The following COL26A1 variants were observed in gnomAD, a reference collection of about 807,000 sequenced individuals.
COL26A1 encodes the protein collagen type XXVI alpha 1 chain.
A neutral mutation model predicts 59.3 loss-of-function variants in COL26A1; 41 were observed. The ratio of observed to expected loss-of-function variants is 0.69; its 90% CI spans 0.54 to 0.90. The LOEUF is 0.90. COL26A1 is among the 40% of genes least tolerant of loss of function. COL26A1 has a pLI of 0.00. For synonymous variants in COL26A1, 266 were observed against 256.0 expected, an observed-to-expected ratio of 1.04 and a Z score of -0.37; for missense variants, 612 against 602.3, an observed-to-expected ratio of 1.02 and a Z score of -0.17.
chr7:101,454,741 A>C (rs778136318), intron 3 of COL26A1, among the ~76,000 whole-genome samples: 3 of 152,172 alleles, frequency 2.0e-5, no homozygotes, highest in African/African-American at 7.2e-5. Flanking sequence ...AGCCTCGTTC[A>C]GGCATGAGTT....
At chr7:101,533,268 G>T in intron 4 of COL26A1, 125 bp downstream of exon 4, 1 of 729,354 alleles carries the variant, frequency 1.4e-6, no homozygotes, top group South Asian at 1.7e-5. Flanking sequence ...AAGCAGGCTT[G>T]GACAGCCGGT....
intron 1 of COL26A1, among the ~76,000 whole-genome samples, chr7:101,371,106 A>G (rs559049152): frequency 6.6e-6 from 1 of 152,306 alleles, no homozygotes; most frequent in Non-Finnish European, 1.5e-5. Flanking sequence ...GCCTCTTGGA[A>G]ATGTGAGCCG....
intron 3 of COL26A1, among the ~76,000 whole-genome samples, chr7:101,502,347 A>G (rs1338156367): frequency 6.6e-6 from 1 of 152,136 alleles, no homozygotes; most frequent in Admixed American, 6.5e-5. Flanking sequence ...GTCTCAAACA[A>G]CAACAACAAC....
At chr7:101,362,462 TC>T (rs1790912449), upstream of COL26A1, among the ~76,000 whole-genome samples, 1 of 152,108 alleles carries the variant, frequency 6.6e-6, no homozygotes. Context: ...AGCGCTTTGA[TC>T]CAAAGAGCCC....
At chr7:101,380,292 A>AT (rs34990402) in intron 1 of COL26A1, among the ~76,000 whole-genome samples, 11,621 of 115,872 alleles carry the variant, frequency 0.1, 620 homozygotes, top group Non-Finnish European at 0.11. Flanking sequence ...ACCCAGCTAC[A>AT]TTTTTTTTTT....
At chr7:101,525,500 T>C (rs1422181709) in intron 3 of COL26A1, among the ~76,000 whole-genome samples, 4 of 136,634 alleles carry the variant, frequency 2.9e-5, no homozygotes, top group Admixed American at 7.6e-5. Flanking sequence ...ACTGTTTTTT[T>C]GGTTTTTTTT....
At chr7:101,553,099 C>T (rs1201808823) in intron 10 of COL26A1, 2 of 478,794 alleles carry the variant, frequency 4.2e-6, no homozygotes, top group Admixed American at 7.4e-5. Flanking sequence ...TACAGCCAAC[C>T]CTGGACACTT....
At chr7:101,411,696 A>G (rs952556364) in intron 1 of COL26A1, among the ~76,000 whole-genome samples, 1 of 152,136 alleles carries the variant, frequency 6.6e-6, no homozygotes, top group Non-Finnish European at 1.5e-5. Context: ...CCTGTGGGAC[A>G]TGACGGTGTG....
At chr7:101,450,106 A>T (rs1348193418) in intron 3 of COL26A1, among the ~76,000 whole-genome samples, 1 of 148,996 alleles carries the variant, frequency 6.7e-6, no homozygotes, top group Non-Finnish European at 1.5e-5. Context: ...CCTGGATGAC[A>T]GAGTGAGACT....
Position 101,545,387 on chromosome 7 carries a change from CCCCGGCCCCCCAGGACCA to C in COL26A1, c.762_779del (p.Pro255_Pro260del). The C allele has an allele frequency of 6.3e-7, 1 of 1,588,912 alleles. No homozygotes were observed. Among genetic ancestry groups the C allele is most frequent in the Non-Finnish European group, 8.5e-7 (1 of 1,171,346 alleles). On this transcript the variant is annotated inframe_deletion, in exon 7 of 13. Transcript: ENST00000313669. ...GTGGGCTTCCTGGAGAGATGGGGCG[CCCCGGCCCCCCAGGACCA>C]CCCGGCCCAGCAGGCAACCCAGGCC... is the stretch of plus-strand genomic sequence containing the variant.
chr7:101,440,507 T>C (rs1793030604), intron 2 of COL26A1, among the ~76,000 whole-genome samples: 1 of 152,186 alleles, frequency 6.6e-6, no homozygotes, highest in African/African-American at 2.4e-5. Context: ...ATGTGGAACC[T>C]GTCTTGGGCA....
intron 3 of COL26A1, among the ~76,000 whole-genome samples, chr7:101,520,633 T>TATACACACACACACACACACAC (rs1452059213): frequency 4.6e-4 from 63 of 137,288 alleles, no homozygotes; most frequent in African/African-American, 1.8e-3. Flanking sequence ...CACAGACACA[T>TATACACACACACACACACACAC]ACACACACAC....
At chr7:101,430,851 G>A (rs1178365368) in intron 2 of COL26A1, among the ~76,000 whole-genome samples, 3 of 151,678 alleles carry the variant, frequency 2.0e-5, no homozygotes, top group Non-Finnish European at 4.4e-5. Context: ...CTGGAGTGCA[G>A]TGGTGCGATC....
intron 3 of COL26A1, among the ~76,000 whole-genome samples, chr7:101,477,506 C>T (rs1203063585): frequency 6.6e-6 from 1 of 152,172 alleles, no homozygotes; most frequent in Non-Finnish European, 1.5e-5. Flanking sequence ...GGGTGTACAT[C>T]TGGCCATCTG....
At chr7:101,456,398 G>A (rs1793473445) in intron 3 of COL26A1, among the ~76,000 whole-genome samples, 1 of 151,800 alleles carries the variant, frequency 6.6e-6, no homozygotes, top group Admixed American at 6.6e-5. Flanking sequence ...ATTCTGTCTG[G>A]GCGCGGTGTC....
At chr7:101,397,199 T>C (rs1159768019) in intron 1 of COL26A1, among the ~76,000 whole-genome samples, 4 of 152,112 alleles carry the variant, frequency 2.6e-5, no homozygotes, top group African/African-American at 9.7e-5. Context: ...ACCTGTGTCA[T>C]GTTTCTGTGA....
chr7:101,525,774 G>A (rs1180508383), intron 3 of COL26A1, among the ~76,000 whole-genome samples: 1 of 152,224 alleles, frequency 6.6e-6, no homozygotes, highest in Admixed American at 6.5e-5. Flanking sequence ...GGGATTACAG[G>A]TGTGAGCCAC....
chr7:101,366,474 ATTTTTT>A (rs869149636), intron 1 of COL26A1, among the ~76,000 whole-genome samples: 13 of 76,244 alleles, frequency 1.7e-4, no homozygotes, highest in African/African-American at 4.1e-4. Context: ...TTAACGTCTG[ATTTTTT>A]TTTTTTTTTT....
At chr7:101,557,262 C>T (rs59908111) in intron 12 of COL26A1, 108 bp from the exon 13 acceptor site, 2 of 1,162,282 alleles carry the variant, frequency 1.7e-6, no homozygotes, top group South Asian at 1.7e-5. Context: ...TGCCTTGCTT[C>T]TCCACGCTGG....
Sources: allele counts gnomAD v4.1 joint callset (sites outside exome capture counted in the v4.1 genomes callset), GRCh38; gene constraint gnomAD v4.1.1; transcripts MANE v1.5; gene names NCBI Gene and HGNC (gene_info 2026-07-23, HGNC 2026-07-21).